Variants in ESR1 observed in about 807,000 individuals in gnomAD.
ESR1 encodes the protein estrogen receptor 1, also known as estrogen receptor.
ESR1 carries 12 observed loss-of-function variants against 52.7 expected under a neutral mutation model. That is an observed-to-expected ratio of 0.23 (90% CI 0.15 to 0.37). The LOEUF is 0.37. Among genes scored for constraint, ESR1 ranks in the 10% least tolerant of loss-of-function variants. The pLI is 1.00. For synonymous variants in ESR1, 305 were observed against 316.8 expected (o/e 0.96, Z 0.39); for missense variants, 584 against 779.7 (o/e 0.75, Z 2.99).
intron 2 of ESR1, among the ~76,000 whole-genome samples, chr6:151,857,493 C>CACA (rs1554270126): frequency 1.8e-4 from 26 of 145,932 alleles, no homozygotes; most frequent in African/African-American, 4.3e-4. Context: ...ACCCACCCAC[C>CACA]CACACACACA....
chr6:151,834,857 G>A (rs1010773346), intron 1 of ESR1, among the ~76,000 whole-genome samples: 2 of 152,104 alleles, frequency 1.3e-5, no homozygotes, highest in Non-Finnish European at 2.9e-5. Flanking sequence ...AACTTGGGGA[G>A]CAAGGGAAGG....
chr6:152,057,343 A>G (rs1374282120), intron 5 of ESR1, among the ~76,000 whole-genome samples: 1 of 152,212 alleles, frequency 6.6e-6, no homozygotes, highest in East Asian at 1.9e-4. Flanking sequence ...TAGCAAAACT[A>G]TCATCAGAAT....
At chr6:152,059,514 T>C (rs1459529162) in intron 5 of ESR1, among the ~76,000 whole-genome samples, 2 of 152,010 alleles carry the variant, frequency 1.3e-5, no homozygotes, top group African/African-American at 2.4e-5. Flanking sequence ...CTATAATATT[T>C]AAAGAACTCT....
chr6:151,826,676 G>A (rs1781562484), intron 1 of ESR1, among the ~76,000 whole-genome samples: 1 of 152,164 alleles, frequency 6.6e-6, no homozygotes. Context: ...ACCTCACTCT[G>A]TTGATGTTGT....
At chr6:151,921,176 C>G (rs2031586931) in intron 3 of ESR1, among the ~76,000 whole-genome samples, 1 of 152,122 alleles carries the variant, frequency 6.6e-6, no homozygotes, top group African/African-American at 2.4e-5. Context: ...TAAGTGAGAA[C>G]ATGTGGTGTT....
chr6:151,964,043 G>A (rs1255589093), intron 4 of ESR1, among the ~76,000 whole-genome samples: 1 of 152,106 alleles, frequency 6.6e-6, no homozygotes, highest in African/African-American at 2.4e-5. Flanking sequence ...CTGTTTTTAT[G>A]CCAGTATCAC....
chr6:151,671,911 G>A (rs1055388563), intron 1 of ESR1, among the ~76,000 whole-genome samples: 6 of 152,148 alleles, frequency 3.9e-5, no homozygotes, highest in South Asian at 4.1e-4. Context: ...GGAATTGCTC[G>A]AACCCAGGAG....
At chr6:152,071,463 G>C (rs12199198) in intron 6 of ESR1, among the ~76,000 whole-genome samples, 7,890 of 152,214 alleles carry the variant, frequency 0.052, 259 homozygotes, top group Middle Eastern at 0.088. Context: ...GTCTGACTTT[G>C]GGCAAGTTGC....
At chr6:151,701,529 CAAAAA>C (rs57589542) in intron 1 of ESR1, among the ~76,000 whole-genome samples, 1 of 89,418 alleles carries the variant, frequency 1.1e-5, no homozygotes, top group Non-Finnish European at 2.1e-5. Context: ...CACTACATCT[CAAAAA>C]AAAAAAAAAA....
chr6:151,946,899 A>G (rs1213102737), intron 4 of ESR1, among the ~76,000 whole-genome samples: 2 of 152,244 alleles, frequency 1.3e-5, no homozygotes, highest in African/African-American at 4.8e-5. Context: ...AAGGATTTAT[A>G]TCTTTTATAT....
intron 5 of ESR1, among the ~76,000 whole-genome samples, chr6:152,060,549 AG>A (rs144132766): frequency 1.4e-3 from 212 of 152,330 alleles, no homozygotes; most frequent in African/African-American, 4.8e-3. Flanking sequence ...CACAACCATC[AG>A]GACTTGTTAC....
At chr6:151,999,120 T>C (rs533573592) in intron 4 of ESR1, among the ~76,000 whole-genome samples, 1 of 152,080 alleles carries the variant, frequency 6.6e-6, no homozygotes, top group Non-Finnish European at 1.5e-5. Flanking sequence ...AGGCAAATCT[T>C]TACAAGGGAT....
chr6:152,087,208 A>G (rs1293258753), intron 6 of ESR1, among the ~76,000 whole-genome samples: 1 of 152,182 alleles, frequency 6.6e-6, no homozygotes, highest in East Asian at 1.9e-4. Context: ...CAGAATTTAG[A>G]TTGTGGTTTC....
chr6:152,030,964 A>G (rs1379194022), intron 5 of ESR1, among the ~76,000 whole-genome samples: 1 of 152,232 alleles, frequency 6.6e-6, no homozygotes, highest in Non-Finnish European at 1.5e-5. Context: ...CAATCAAACT[A>G]GAACTCAGGA....
chr6:152,001,306 A>G (rs1027242132), intron 4 of ESR1, among the ~76,000 whole-genome samples: 1 of 152,062 alleles, frequency 6.6e-6, no homozygotes, highest in Non-Finnish European at 1.5e-5. Flanking sequence ...ATGCTGTGTC[A>G]TAACACAGCA....
At chr6:151,941,611 G>T (rs2035072483) in intron 3 of ESR1, among the ~76,000 whole-genome samples, 2 of 151,806 alleles carry the variant, frequency 1.3e-5, no homozygotes, top group African/African-American at 4.8e-5. Flanking sequence ...CTCAGCATCG[G>T]AGGGGCTACT....
At chr6:151,709,840 T>C (rs1780458312) in intron 2 of ESR1, among the ~76,000 whole-genome samples, 1 of 151,912 alleles carries the variant, frequency 6.6e-6, no homozygotes, top group Non-Finnish European at 1.5e-5. Flanking sequence ...AAAAAATAAT[T>C]GTATGAAATA....
At chr6:151,961,021 G>A (rs2037594517) in intron 4 of ESR1, among the ~76,000 whole-genome samples, 2 of 152,176 alleles carry the variant, frequency 1.3e-5, no homozygotes, top group Non-Finnish European at 2.9e-5. Flanking sequence ...GTCTACAGGT[G>A]GAACAAGTTT....
chr6:151,791,944 A>T (rs1254370770), intron 2 of ESR1, among the ~76,000 whole-genome samples: 1 of 152,148 alleles, frequency 6.6e-6, no homozygotes, highest in Non-Finnish European at 1.5e-5. Flanking sequence ...AATGATGGGG[A>T]TGAGTTTGGA....
Sources: gnomAD v4.1 joint callset for allele counts (sites outside exome capture counted in the v4.1 genomes callset) on GRCh38, gnomAD v4.1.1 for gene constraint, MANE v1.5 for transcripts, NCBI Gene and HGNC (gene_info 2026-07-23, HGNC 2026-07-21) for gene names.